NDUFA5: variants seen among roughly 807,000 people sequenced by gnomAD.
NDUFA5 encodes the protein NADH dehydrogenase [ubiquinone] 1 alpha subcomplex subunit 5.
Under a neutral mutation model 19.8 loss-of-function variants are expected in NDUFA5, and 11 were observed. That is an observed-to-expected ratio of 0.56 (90% CI 0.35 to 0.92). The LOEUF is 0.92. NDUFA5 is among the 40% of genes least tolerant of loss of function. The probability of loss-of-function intolerance (pLI) is 0.01; values close to 1 mark genes in which losing one functional copy is unlikely to be tolerated. For missense variants in NDUFA5, 109 were observed against 134.2 expected (o/e 0.81, Z 0.93); for synonymous variants, 47 against 46.8 (o/e 1.00, Z -0.01).
At chr7:123,581,125 C>T in the NDUFA5 span, among the ~76,000 whole-genome samples, 1,292 of 152,000 alleles carry the variant, frequency 8.5e-3, 21 homozygotes, top group African/African-American at 0.03. Context: ...GTCCCACCAA[C>T]CTCCTTCAGC....
upstream of NDUFA5, chr7:123,557,825 C>A (rs1258075399): frequency 3.7e-6 from 6 of 1,614,084 alleles, no homozygotes; most frequent in Non-Finnish European, 4.2e-6. Flanking sequence ...TGACGCACAA[C>A]CCTTTGGGAA....
chr7:123,594,702 C>A, the NDUFA5 span, among the ~76,000 whole-genome samples: 1 of 152,140 alleles, frequency 6.6e-6, no homozygotes, highest in African/African-American at 2.4e-5. Flanking sequence ...CTGTCAGCCC[C>A]TACTGGGAGG....
chr7:123,577,191 AT>A, the NDUFA5 span, among the ~76,000 whole-genome samples: 1 of 152,158 alleles, frequency 6.6e-6, no homozygotes, highest in Non-Finnish European at 1.5e-5. Flanking sequence ...GGTTTACTAT[AT>A]CATTGATATC....
upstream of NDUFA5, among the ~76,000 whole-genome samples, chr7:123,561,621 A>C (rs760155689): frequency 2.0e-5 from 3 of 150,896 alleles, no homozygotes; most frequent in African/African-American, 7.3e-5. Context: ...TTTTTTTTTG[A>C]GACAGAGTCT....
intron 3 of NDUFA5, among the ~76,000 whole-genome samples, chr7:123,548,100 G>GA (rs958514812): frequency 8.6e-5 from 13 of 150,400 alleles, no homozygotes; most frequent in Admixed American, 2.0e-4. Context: ...GTAATAATCT[G>GA]AAAAAAAAAG....
At chr7:123,548,424 G>T (rs1798213029) in intron 3 of NDUFA5, among the ~76,000 whole-genome samples, 1 of 152,156 alleles carries the variant, frequency 6.6e-6, no homozygotes, top group Non-Finnish European at 1.5e-5. Flanking sequence ...TGGAAAGGAG[G>T]TAACAAAGTT....
the NDUFA5 span, chr7:123,596,542 G>T: frequency 2.6e-5 from 4 of 152,266 alleles, 1 homozygote; most frequent in Non-Finnish European, 1.5e-5. Flanking sequence ...AGCCTGGGAG[G>T]CGGAGGTTGC....
intron 4 of NDUFA5, 39 bp downstream of exon 4, chr7:123,545,572 T>C: frequency 6.6e-7 from 1 of 1,524,430 alleles, no homozygotes; most frequent in Non-Finnish European, 9.1e-7. Context: ...TGTGTGTCTC[T>C]ATGAAACCAA....
chr7:123,543,687 C>T (rs1270332708), intron 4 of NDUFA5, among the ~76,000 whole-genome samples: 1 of 151,990 alleles, frequency 6.6e-6, no homozygotes, highest in Non-Finnish European at 1.5e-5. Flanking sequence ...ACTTAATATG[C>T]CTTAAAACTT....
the NDUFA5 span, among the ~76,000 whole-genome samples, chr7:123,563,743 G>A: frequency 2.0e-5 from 3 of 152,100 alleles, no homozygotes; most frequent in South Asian, 2.1e-4. Flanking sequence ...ATACATATAC[G>A]TGGCTGTTAT....
At chr7:123,583,183 G>A in the NDUFA5 span, among the ~76,000 whole-genome samples, 1 of 151,864 alleles carries the variant, frequency 6.6e-6, no homozygotes, top group East Asian at 1.9e-4. Context: ...TTGAGGCCAG[G>A]AGTTCAAGAT....
rs1226758164 is a variant in NDUFA5 at position 123,557,399 on chromosome 7, C to T, written c.66+5G>A. The T allele has an allele frequency of 6.2e-7, 1 of 1,613,686 alleles. No homozygotes were observed. Among genetic ancestry groups the T allele is most frequent in the Admixed American group, 1.7e-5 (1 of 59,924 alleles). ...CAAGAACGAAGAAAGAACAAAGGTA[C>T]ATACCTCGTGAGGAGTATTGCACAC... is the stretch of plus-strand genomic sequence containing the variant. On this transcript the variant is annotated splice_donor_5th_base_variant and intron_variant, in intron 2 of 4. Transcript: ENST00000355749.
chr7:123,537,318 G>T lies in NDUFA5; in HGVS notation c.*4801C>A, dbSNP rs1003953882. ...TCCTGTTGTTACTACAGGTTAAAATGAATAATGAATATTTTTAATATTAAA... is the reference window on the plus strand; with the variant it reads ...TCCTGTTGTTACTACAGGTTAAAATTAATAATGAATATTTTTAATATTAAA... On this transcript the variant is annotated 3_prime_UTR_variant, in exon 5 of 5. Transcript: ENST00000355749. 6.6e-6 allele frequency: 1 copy of T among 151,964 alleles called. No individual in the cohort carries two copies. The highest frequency in any genetic ancestry group is 1.5e-5 in the Non-Finnish European group (1 of 67,960). 9.4% of individuals were successfully genotyped at this position (151,964 alleles called of 1,614,324 possible).
At chr7:123,595,747 T>C in the NDUFA5 span, among the ~76,000 whole-genome samples, 2 of 152,198 alleles carry the variant, frequency 1.3e-5, no homozygotes, top group Non-Finnish European at 2.9e-5. Context: ...TTCTTGACTT[T>C]GTAAATGCTC....
chr7:123,552,811 C>T (rs940504459), intron 2 of NDUFA5, among the ~76,000 whole-genome samples: 3 of 152,070 alleles, frequency 2.0e-5, no homozygotes, highest in African/African-American at 7.2e-5. Context: ...CAGACCCTCG[C>T]CTGATAGCTC....
the NDUFA5 span, among the ~76,000 whole-genome samples, chr7:123,581,071 C>T: frequency 6.6e-6 from 1 of 151,930 alleles, no homozygotes; most frequent in Non-Finnish European, 1.5e-5. Flanking sequence ...CTGTCTTCCA[C>T]TTAAAAATGG....
At chr7:123,548,077 T>C (rs1798201760) in intron 3 of NDUFA5, among the ~76,000 whole-genome samples, 1 of 152,126 alleles carries the variant, frequency 6.6e-6, no homozygotes, top group Non-Finnish European at 1.5e-5. Context: ...ACCAAAATAG[T>C]ACTATCTCCC....
the NDUFA5 span, among the ~76,000 whole-genome samples, chr7:123,579,445 T>C: frequency 6.6e-6 from 1 of 152,168 alleles, no homozygotes; most frequent in Non-Finnish European, 1.5e-5. Context: ...GTTCTATGAA[T>C]TCTTTTGTAT....
chr7:123,594,241 G>GAGAAGT, the NDUFA5 span, among the ~76,000 whole-genome samples: 1 of 152,036 alleles, frequency 6.6e-6, no homozygotes, highest in Non-Finnish European at 1.5e-5. Flanking sequence ...CTTTAGCTCA[G>GAGAAGT]AGAAGTTTGT....
Sources: allele counts gnomAD v4.1 joint callset (sites outside exome capture counted in the v4.1 genomes callset), GRCh38; gene constraint gnomAD v4.1.1; transcripts MANE v1.5; gene names NCBI Gene and HGNC (gene_info 2026-07-23, HGNC 2026-07-21).